The following DYNC1I2 variants were observed in gnomAD, a reference collection of about 807,000 sequenced individuals.
DYNC1I2 encodes the protein dynein cytoplasmic 1 intermediate chain 2.
A neutral mutation model predicts 88.6 loss-of-function variants in DYNC1I2; 53 were observed. The observed-to-expected ratio is 0.60, with a 90% CI of 0.48 to 0.75. The LOEUF is 0.75. DYNC1I2 is among the 30% of genes least tolerant of loss of function. The probability of loss-of-function intolerance (pLI) is 0.00; values close to 1 mark genes in which losing one functional copy is unlikely to be tolerated. For missense variants in DYNC1I2, 458 were observed against 766.6 expected (o/e 0.60, Z 4.75); for synonymous variants, 198 against 254.6 (o/e 0.78, Z 2.12).
At chr2:171,719,578 T>C (rs1687763891) in intron 7 of DYNC1I2, among the ~76,000 whole-genome samples, 1 of 152,222 alleles carries the variant, frequency 6.6e-6, no homozygotes, top group Non-Finnish European at 1.5e-5. Flanking sequence ...ATTAAACTTC[T>C]GTAGGCAGTA....
At chr2:171,732,180 A>G (rs1262401356) in intron 15 of DYNC1I2, among the ~76,000 whole-genome samples, 1 of 152,186 alleles carries the variant, frequency 6.6e-6, no homozygotes, top group East Asian at 1.9e-4. Context: ...CCCAGCCAAC[A>G]TGGTGAAACC....
At chr2:171,724,086 C>G (rs956934225) in intron 7 of DYNC1I2, among the ~76,000 whole-genome samples, 21 of 152,104 alleles carry the variant, frequency 1.4e-4, no homozygotes, top group African/African-American at 5.1e-4. Flanking sequence ...GCCATTTATC[C>G]TAGTTCTGTA....
At chr2:171,746,278 A>G (rs1456492881) in intron 17 of DYNC1I2, among the ~76,000 whole-genome samples, 1 of 151,654 alleles carries the variant, frequency 6.6e-6, no homozygotes, top group East Asian at 1.9e-4. Context: ...ATTTTTCTGT[A>G]TTCATTAATT....
chr2:171,720,727 T>C (rs907467868), intron 7 of DYNC1I2, among the ~76,000 whole-genome samples: 3 of 152,170 alleles, frequency 2.0e-5, no homozygotes, highest in African/African-American at 7.2e-5. Flanking sequence ...TGAGACTATG[T>C]CTCAAATAAA....
chr2:171,712,172 A>G (rs995547171), intron 5 of DYNC1I2, among the ~76,000 whole-genome samples: 1 of 152,218 alleles, frequency 6.6e-6, no homozygotes, highest in Non-Finnish European at 1.5e-5. Flanking sequence ...CGTAAGCCCA[A>G]GGCGGTGCTT....
chr2:171,739,925 C>G (rs1020590686), intron 15 of DYNC1I2, among the ~76,000 whole-genome samples: 1 of 152,024 alleles, frequency 6.6e-6, no homozygotes, highest in Non-Finnish European at 1.5e-5. Flanking sequence ...AGGCTGGTCT[C>G]AAACTCCTGG....
At chr2:171,699,670 C>T (rs1236126898) in intron 3 of DYNC1I2, among the ~76,000 whole-genome samples, 1 of 150,438 alleles carries the variant, frequency 6.6e-6, no homozygotes, top group African/African-American at 2.5e-5. Flanking sequence ...GACAGGGTCT[C>T]AGTCTGTGGC....
intron 15 of DYNC1I2, among the ~76,000 whole-genome samples, chr2:171,743,550 A>G (rs568308770): frequency 2.6e-5 from 4 of 152,282 alleles, no homozygotes; most frequent in South Asian, 4.1e-4. Context: ...GCCTTCCTTC[A>G]TCTTCTTCCC....
intron 3 of DYNC1I2, among the ~76,000 whole-genome samples, chr2:171,703,831 T>G (rs1686460539): frequency 6.6e-6 from 1 of 152,140 alleles, no homozygotes; most frequent in African/African-American, 2.4e-5. Flanking sequence ...ACGTGGACTG[T>G]GTTTGAGTAC....
intron 3 of DYNC1I2, among the ~76,000 whole-genome samples, chr2:171,703,639 T>G (rs940542376): frequency 2.0e-5 from 3 of 152,170 alleles, no homozygotes; most frequent in Non-Finnish European, 4.4e-5. Flanking sequence ...TAGAGGATAT[T>G]TAAACCTCAT....
At chr2:171,727,713 A>T (rs769956282) in intron 11 of DYNC1I2, 108 bp from the exon 12 acceptor site, 7 of 974,564 alleles carry the variant, frequency 7.2e-6, no homozygotes, top group Non-Finnish European at 1.1e-5. Flanking sequence ...TATAACCTCT[A>T]ATACCATACA....
intron 10 of DYNC1I2, 125 bp downstream of exon 10, chr2:171,726,418 A>G (rs1020148429): frequency 3.0e-6 from 2 of 667,168 alleles, no homozygotes; most frequent in African/African-American, 3.6e-5. Context: ...TTAATGGATG[A>G]TGGTTCTAAT....
chr2:171,726,164 C>T, intron 9 of DYNC1I2, 30 bp from the exon 10 acceptor site: 1 of 1,590,104 alleles, frequency 6.3e-7, no homozygotes, highest in Non-Finnish European at 8.6e-7. Context: ...ATAACACCAT[C>T]TTTTTGGGGG....
At chr2:171,688,948 CAT>C (rs758057817) in intron 1 of DYNC1I2, among the ~76,000 whole-genome samples, 5 of 152,002 alleles carry the variant, frequency 3.3e-5, no homozygotes, top group Non-Finnish European at 7.4e-5. Context: ...ATAAGTCAAT[CAT>C]GTGGAGAAGG....
intron 15 of DYNC1I2, among the ~76,000 whole-genome samples, chr2:171,739,788 C>G (rs1689287591): frequency 6.9e-6 from 1 of 145,780 alleles, no homozygotes; most frequent in Admixed American, 7.0e-5. Flanking sequence ...TCACTGCAAC[C>G]TCTGTCTCCT....
chr2:171,710,122 TACACACACACACACACACACAC>T (rs55862813), intron 5 of DYNC1I2, among the ~76,000 whole-genome samples: 12 of 144,442 alleles, frequency 8.3e-5, no homozygotes, highest in African/African-American at 2.3e-4. Flanking sequence ...TATGTATATA[TACACACACACACACACACACAC>T]ACACACACAC....
intron 16 of DYNC1I2, among the ~76,000 whole-genome samples, 158 bp from the exon 17 acceptor site, chr2:171,745,644 A>G (rs184782674): frequency 6.6e-6 from 1 of 152,360 alleles, no homozygotes; most frequent in East Asian, 1.9e-4. Context: ...GTCATTCATA[A>G]TATATCACTG....
In DYNC1I2 at chr2:171,712,638, A is replaced by G. The variant is rs1233323115; in HGVS notation, c.336-129A>G. 1.8e-5 allele frequency: 12 copies of G among 649,298 alleles called. No individual in the cohort carries two copies. In the African/African-American group the frequency reaches 2.2e-4, roughly 12 times the overall value. The allele number at this position is 649,298 out of a possible 1,614,324, so 40.2% of individuals were successfully genotyped here. A position where few individuals can be genotyped will look rare whatever the true frequency, so the allele number is the denominator to read the frequency against. ...TTTTGTTTTCGATTTTTTTTTTTTA[A>G]TACTAACCAGAACATGTGTTTTTTA... is the stretch of plus-strand genomic sequence containing the variant. On this transcript the variant is annotated intron_variant, in intron 5 of 17. Transcript: ENST00000397119.
chr2:171,702,919 A>G (rs1197018672), intron 3 of DYNC1I2, among the ~76,000 whole-genome samples: 2 of 152,056 alleles, frequency 1.3e-5, no homozygotes, highest in Admixed American at 6.6e-5. Flanking sequence ...ACCCATCTCT[A>G]CAGGCTGAGT....
Sources: gnomAD v4.1 joint callset for allele counts (sites outside exome capture counted in the v4.1 genomes callset) on GRCh38, gnomAD v4.1.1 for gene constraint, MANE v1.5 for transcripts, NCBI Gene and HGNC (gene_info 2026-07-23, HGNC 2026-07-21) for gene names.